Variants in SPTA1 observed in about 807,000 individuals in gnomAD.
The protein encoded by SPTA1 is spectrin alpha, erythrocytic 1, also known as spectrin alpha chain, erythrocytic 1.
In SPTA1, 177 loss-of-function variants were observed where a neutral mutation model predicts 324.7. The observed-to-expected ratio is 0.55, with a 90% CI of 0.48 to 0.62. SPTA1 has a LOEUF of 0.62. SPTA1 is among the 20% of genes least tolerant of loss of function. The pLI, the probability that SPTA1 is intolerant of heterozygous loss-of-function variation, is 0.00. For synonymous variants in SPTA1, 1,195 were observed against 1,041.3 expected (o/e 1.15, Z -2.84); for missense variants, 3,162 against 2,883.6 (o/e 1.10, Z -2.21).
chr1:158,620,929 T>G (rs1395336094), intron 43 of SPTA1: 3 of 164,370 alleles, frequency 1.8e-5, no homozygotes, highest in African/African-American at 7.2e-5. Context: ...CTCCTTTATC[T>G]TATTATCCTA....
intron 27 of SPTA1, 52 bp from the exon 28 acceptor site, chr1:158,645,646 A>G: frequency 1.9e-6 from 3 of 1,582,690 alleles, no homozygotes; most frequent in Non-Finnish European, 2.6e-6. Context: ...AACTTGCTAC[A>G]GTGCTGTTTG....
Position 158,626,185 on chromosome 1 carries a change from A to G in SPTA1, c.5871T>C (p.Gly1957=), listed in dbSNP as rs768831926. The G allele has an allele frequency of 3.0e-5, 48 of 1,613,686 alleles. No homozygotes were observed. Among genetic ancestry groups the G allele is most frequent in the Non-Finnish European group, 4.1e-5 (48 of 1,179,728 alleles). ...GAGTGAGGAAGTCACCAAGGTCTGCACCATTGCCATTGGTCTTTAGGCTTG... is the reference window on the plus strand; with the variant it reads ...GAGTGAGGAAGTCACCAAGGTCTGCGCCATTGCCATTGGTCTTTAGGCTTG... ...KETSLKTNGN[G]ADLGDFLTLL... The change falls in exon 42 of 52, where the codon GGT becomes GGC. Residue 1957 remains glycine (G), a synonymous_variant. Coordinates refer to ENST00000643759, the MANE Select transcript of SPTA1 (RefSeq NM_003126.4).
At position 158,654,691 on chromosome 1, in the gene SPTA1, A is replaced by G. The variant is rs1652700996; in HGVS notation, c.2956T>C (p.Tyr986His). Residue 986 changes from tyrosine to histidine, a missense_variant, in exon 21 of 52, where the codon TAT (tyrosine) becomes CAT (histidine). By Grantham distance (83) the Tyr-to-His change is moderately conservative. Transcript: ENST00000643759. ...VAGEQRVMAL[Y>H]DFQARSPREV... is the part of the protein sequence containing the mutation. Reference sequence around the variant, plus strand: ...CGGGGGCTGCGGGCCTGGAAGTCATATAAAGCCATGACCCTTTGTTCTCCA... The same window carrying G: ...CGGGGGCTGCGGGCCTGGAAGTCATGTAAAGCCATGACCCTTTGTTCTCCA... 6.2e-7 allele frequency: 1 copy of G among 1,613,928 alleles called. No homozygotes were observed. The highest frequency in any genetic ancestry group is 1.1e-5 in the South Asian group (1 of 91,070).
At chr1:158,683,613 A>C in intron 2 of SPTA1, 117 bp from the exon 3 acceptor site, 1 of 1,367,720 alleles carries the variant, frequency 7.3e-7, no homozygotes, top group Non-Finnish European at 1.0e-6. Flanking sequence ...CAGAGGCCAT[A>C]AAGAGTATTT....
At chr1:158,667,106 T>C (rs1184149792) in intron 15 of SPTA1, among the ~76,000 whole-genome samples, 1 of 152,222 alleles carries the variant, frequency 6.6e-6, no homozygotes, top group African/African-American at 2.4e-5. Context: ...GTAGCAGTGA[T>C]ATATTGTCAT....
At chr1:158,674,258 A>G (rs1369841011) in intron 10 of SPTA1, 71 bp downstream of exon 10, 2 of 1,408,072 alleles carry the variant, frequency 1.4e-6, no homozygotes, top group South Asian at 1.2e-5. Flanking sequence ...AGAGATTATC[A>G]TATTATTGTG....
Position 158,645,551 on chromosome 1 carries a change from A to T in SPTA1, c.3940T>A (p.Ser1314Thr), listed in dbSNP as rs200308788. The T allele has an allele frequency of 6.8e-6, 11 of 1,613,910 alleles. No individual in the cohort carries two copies. The highest frequency in any genetic ancestry group is 9.3e-6 in the Non-Finnish European group (11 of 1,179,938). ...GTTAAGTCTTCGGCCAGCTCCTGTG[A>T]TGATACCATGCCACCAATGCTACTG... ...WISSIGGMVS[S>T]QELAEDLTGI... Residue 1314 changes from serine to threonine, a missense_variant, in exon 28 of 52, where the codon TCA (serine) becomes ACA (threonine). By Grantham distance (58) the Ser-to-Thr change is moderately conservative. Transcript: ENST00000643759.
chr1:158,635,469 G>T (rs554759558), intron 38 of SPTA1, among the ~76,000 whole-genome samples: 1 of 151,972 alleles, frequency 6.6e-6, no homozygotes, highest in Non-Finnish European at 1.5e-5. Flanking sequence ...ACCCAGTCTC[G>T]GGTAGTTCTT....
Position 158,617,531 on chromosome 1 carries a change from A to G in SPTA1, c.6600+6T>C. 6.2e-7 allele frequency: 1 copy of G among 1,612,566 alleles called. No individual in the cohort carries two copies. The highest frequency in any genetic ancestry group is 8.5e-7 in the Non-Finnish European group (1 of 1,178,742). The stretch of plus-strand genomic sequence containing the variant: ...TATCTTCAGTTAATGAAAAAACAAT[A>G]CTTACTTTATTTGCTTCCAGCTGAG... On this transcript the variant is annotated splice_donor_region_variant and intron_variant, in intron 47 of 51. Coordinates refer to ENST00000643759, the MANE Select transcript of SPTA1 (RefSeq NM_003126.4).
chr1:158,626,310 C>T, intron 41 of SPTA1, 88 bp from the exon 42 acceptor site: 1 of 1,221,436 alleles, frequency 8.2e-7, no homozygotes, highest in Non-Finnish European at 1.2e-6. Context: ...CAACACACAA[C>T]AAGAAAGCTT....
At position 158,639,651 on chromosome 1, in the gene SPTA1, C is replaced by A; in HGVS notation, c.4911G>T (p.Arg1637Ser). 2 of 1,613,854 alleles carry A rather than the reference C, an allele frequency of 1.2e-6. No homozygotes were observed. The highest frequency in any genetic ancestry group is 2.2e-5 in the East Asian group (1 of 44,854). Residue 1637 changes from arginine (R) to serine (S), a missense_variant, in exon 35 of 52, where the codon AGG (arginine) becomes AGT (serine). By Grantham distance (110) the Arg-to-Ser change is moderately radical (BLOSUM62 -1). Transcript: ENST00000643759. Reference protein sequence around the residue: ...ETLLAMKDQARDLASAGNLLK... With the variant: ...ETLLAMKDQASDLASAGNLLK... ...GTAGGTTTCCTGCTGAAGCCAAGTC[C>A]CTGGCCTGATCTTTCATGGCCAGCA...
rs187916559 is a variant in SPTA1, at chr1:158,643,346, G to A, written c.4418C>T (p.Thr1473Met). The change falls in exon 31 of 52, where the codon ACG (threonine) becomes ATG (methionine). Residue 1473 changes from threonine to methionine, a missense_variant. Physicochemically the swap from Thr to Met is moderately conservative, Grantham distance 81. Transcript: ENST00000643759. ...CCTGTCTAGTACACGTTGGAGCCGC[G>A]TAGCAATCTCTTCTTTGGCATAGTG... ...DEHYAKEEIA[T>M]RLQRVLDRWK... is the part of the protein sequence containing the mutation. 311 of 1,613,866 alleles carry A rather than the reference G, an allele frequency of 1.9e-4. 2 individuals are homozygous for A. In the East Asian group the frequency reaches 3.8e-3, roughly 20 times the overall value.
rs1650031783 is a variant in SPTA1 at position 158,623,158 on chromosome 1, T to C, written c.5945A>G (p.Gln1982Arg). ...GTCAGTGATCTCGGGAAGTCTCTCT[T>C]GCTGGAAACTCTGCAGACTGGCATC... The part of the protein sequence containing the change: ...TLDASLQSFQ[Q>R]ERLPEITDLK... The change falls in exon 43 of 52, where the codon CAA becomes CGA. Residue 1982 changes from glutamine to arginine, a missense_variant. Physicochemically the swap from Gln to Arg is conservative, Grantham distance 43 (BLOSUM62 1). Transcript: ENST00000643759. 1.2e-6 allele frequency: 2 copies of C among 1,614,140 alleles called. No individual in the cohort carries two copies. The highest frequency in any genetic ancestry group is 1.3e-5 in the African/African-American group (1 of 75,022).
At chr1:158,633,864 T>TA (rs1427695832) in intron 39 of SPTA1, among the ~76,000 whole-genome samples, 1 of 152,150 alleles carries the variant, frequency 6.6e-6, no homozygotes, top group East Asian at 1.9e-4. Context: ...TTTGCAAGTC[T>TA]AAGCCTTTCC....
At chr1:158,650,471 T>G (rs1652341068) in intron 24 of SPTA1, among the ~76,000 whole-genome samples, 1 of 152,174 alleles carries the variant, frequency 6.6e-6, no homozygotes, top group African/African-American at 2.4e-5. Context: ...GACTGAACAT[T>G]TATTAATGTT....
chr1:158,615,531 A>G (rs1649504281), intron 47 of SPTA1, 128 bp from the exon 48 acceptor site: 1 of 916,830 alleles, frequency 1.1e-6, no homozygotes, highest in Admixed American at 2.3e-5. Flanking sequence ...GAAAAGATGA[A>G]CTACTTGGGA....
rs376612556 is a variant in SPTA1 at position 158,668,052 on chromosome 1, T to A, written c.1844A>T (p.Asn615Ile). The change falls in exon 15 of 52, where the codon AAC (asparagine) becomes ATC (isoleucine). Residue 615 changes from asparagine to isoleucine, a missense_variant. By Grantham distance (149) the Asn-to-Ile change is moderately radical. Coordinates refer to ENST00000643759, the MANE Select transcript of SPTA1 (RefSeq NM_003126.4). ...ADDEDYKDIQ[N>I]LKSRVQKQQV... ...CTGCTTTTGAACCCTGCTCTTCAAG[T>A]TCTGTATGTCCTGAGATAAGATGAA... is the stretch of plus-strand genomic sequence containing the variant. The A allele has an allele frequency of 1.9e-6, 3 of 1,606,610 alleles. No individual in the cohort carries two copies. The highest frequency in any genetic ancestry group is 2.8e-5 in the African/African-American group (2 of 71,402).
chr1:158,649,741 C>T (rs1652279201), intron 25 of SPTA1, 115 bp downstream of exon 25: 8 of 848,312 alleles, frequency 9.4e-6, no homozygotes, highest in Admixed American at 6.3e-5. Context: ...TCTATTGGCA[C>T]ATTGTCTCCA....
At chr1:158,632,519 G>A (rs758469988) in intron 39 of SPTA1, among the ~76,000 whole-genome samples, 19 of 151,936 alleles carry the variant, frequency 1.3e-4, no homozygotes, top group Non-Finnish European at 2.2e-4. Context: ...ATTTCACTGA[G>A]GAAAAATACA....
Sources: allele counts gnomAD v4.1 joint callset (sites outside exome capture counted in the v4.1 genomes callset), GRCh38; gene constraint gnomAD v4.1.1; transcripts MANE v1.5; gene names NCBI Gene and HGNC (gene_info 2026-07-23, HGNC 2026-07-21).